ZNF362: variants seen among roughly 807,000 people sequenced by gnomAD.
ZNF362 encodes zinc finger protein 362.
ZNF362 carries 11 observed loss-of-function variants against 42.9 expected under a neutral mutation model. The ratio of observed to expected loss-of-function variants is 0.26; its 90% CI spans 0.16 to 0.42. The LOEUF is 0.42. Among genes scored for constraint, ZNF362 ranks in the 20% least tolerant of loss-of-function variants. The probability of loss-of-function intolerance (pLI) is 1.00; values close to 1 mark genes in which losing one functional copy is unlikely to be tolerated. For synonymous variants in ZNF362, 255 were observed against 257.3 expected (o/e 0.99, Z 0.09); for missense variants, 362 against 576.2 (o/e 0.63, Z 3.81).
chr1:33,217,668 T>C, the ZNF362 span, among the ~76,000 whole-genome samples: 1 of 152,180 alleles, frequency 6.6e-6, no homozygotes, highest in Non-Finnish European at 1.5e-5. Flanking sequence ...AAAAGAAATT[T>C]AAACCATAAG....
chr1:33,146,984 A>C, the ZNF362 span: 1 of 617,654 alleles, frequency 1.6e-6, no homozygotes, highest in Non-Finnish European at 2.8e-6. Flanking sequence ...GAGCTACAGA[A>C]CATCGATGCT....
At chr1:33,286,372 T>C (rs908426235) in intron 6 of ZNF362, among the ~76,000 whole-genome samples, 3 of 152,088 alleles carry the variant, frequency 2.0e-5, no homozygotes, top group African/African-American at 7.2e-5. Context: ...TTTAAAAATA[T>C]TATTTGAGAA....
intron 6 of ZNF362, among the ~76,000 whole-genome samples, chr1:33,282,642 C>T (rs1050403839): frequency 4.0e-5 from 6 of 151,886 alleles, no homozygotes; most frequent in Admixed American, 2.6e-4. Context: ...GCCAACGTGG[C>T]GAAACCCCAT....
chr1:33,137,396 T>G, the ZNF362 span, among the ~76,000 whole-genome samples: 1 of 152,218 alleles, frequency 6.6e-6, no homozygotes, highest in Non-Finnish European at 1.5e-5. Context: ...CCCATAATAA[T>G]TATTATGTTA....
At chr1:33,176,439 GTC>G in the ZNF362 span, 1 of 697,832 alleles carries the variant, frequency 1.4e-6, no homozygotes, top group Non-Finnish European at 2.6e-6. Flanking sequence ...ATCCACTGCT[GTC>G]TTCTCTGGCA....
the ZNF362 span, among the ~76,000 whole-genome samples, chr1:33,187,523 T>C: frequency 6.6e-6 from 1 of 152,190 alleles, no homozygotes; most frequent in South Asian, 2.1e-4. Flanking sequence ...CAGACCCCAC[T>C]GCTGTAGTTG....
chr1:33,144,586 A>G, the ZNF362 span, among the ~76,000 whole-genome samples: 1 of 152,236 alleles, frequency 6.6e-6, no homozygotes, highest in African/African-American at 2.4e-5. Context: ...AGGCCTGTCT[A>G]TAGTACTCAG....
the ZNF362 span, among the ~76,000 whole-genome samples, chr1:33,171,435 T>C: frequency 1.3e-5 from 2 of 152,106 alleles, no homozygotes; most frequent in African/African-American, 4.8e-5. Context: ...CTTGCCTAAG[T>C]TCACACAGCT....
the ZNF362 span, among the ~76,000 whole-genome samples, chr1:33,129,116 A>T: frequency 1.3e-5 from 2 of 152,188 alleles, no homozygotes; most frequent in African/African-American, 2.4e-5. This position sits in a 1 kb window ranked among gnomAD's most constrained non-coding sequence, Gnocchi z 4.1. Flanking sequence ...GATGATTCAG[A>T]GCCCTTTCTG....
At chr1:33,158,460 T>C in the ZNF362 span, 1 of 959,290 alleles carries the variant, frequency 1.0e-6, no homozygotes, top group Non-Finnish European at 1.7e-6. Flanking sequence ...GCAGCTGGCA[T>C]AGGATGTGGT....
Position 33,280,145 on chromosome 1 carries a change from C to A in ZNF362, c.371C>A (p.Thr124Asn). Residue 124 changes from threonine to asparagine, a missense_variant, in exon 5 of 9, where the codon ACC (threonine) becomes AAC (asparagine). Thr to Asn is a moderately conservative substitution (Grantham distance 65). Around this residue, in one of 3 missense-constraint regions of ZNF362, gnomAD observed 266 missense variants for 365.4 expected, o/e 0.73. Transcript: ENST00000539719. This position sits in a 1 kb window ranked among gnomAD's most constrained non-coding sequence, Gnocchi z 5.6. ...TVTGLGLSTR[T>N]PSVSTSESSA... is the part of the protein sequence containing the mutation. ...GCAGGTCTGGGGCTGTCCACCCGGA[C>A]CCCGTCTGTGAGCACTTCTGAGTCA... 6.3e-7 allele frequency: 1 copy of A among 1,588,292 alleles called. No homozygotes were observed. The highest frequency in any genetic ancestry group is 1.3e-5 in the African/African-American group (1 of 74,706).
intron 6 of ZNF362, among the ~76,000 whole-genome samples, chr1:33,282,808 G>A (rs959430723): frequency 1.4e-5 from 2 of 142,462 alleles, no homozygotes; most frequent in East Asian, 2.1e-4. Flanking sequence ...GATGACAAGA[G>A]TGAAACTCTG....
the ZNF362 span, chr1:33,181,494 G>C: frequency 1.3e-6 from 2 of 1,505,356 alleles, no homozygotes. This position sits in a 1 kb window ranked among gnomAD's most constrained non-coding sequence, Gnocchi z 6.5. Context: ...AGAGCGCGGC[G>C]CTGTCGGAGG....
At chr1:33,229,404 C>T in the ZNF362 span, among the ~76,000 whole-genome samples, 1 of 141,304 alleles carries the variant, frequency 7.1e-6, no homozygotes, top group African/African-American at 2.6e-5. Flanking sequence ...TTCTATTCTG[C>T]CTTTTTTTTT....
the ZNF362 span, chr1:33,163,335 G>A: frequency 6.6e-6 from 1 of 151,616 alleles, no homozygotes; most frequent in Non-Finnish European, 1.5e-5. Flanking sequence ...CACTGTGCCT[G>A]GCCGATTTTT....
At chr1:33,237,130 A>AT in the ZNF362 span, among the ~76,000 whole-genome samples, 1 of 152,072 alleles carries the variant, frequency 6.6e-6, no homozygotes, top group African/African-American at 2.4e-5. Context: ...ATATACAATT[A>AT]TTTTTTCAAT....
intron 2 of ZNF362, chr1:33,275,179 A>T (rs1317956511): frequency 1.0e-6 from 1 of 985,344 alleles, no homozygotes; most frequent in Non-Finnish European, 1.2e-6. Flanking sequence ...TCTGTGAGGC[A>T]TGGTCCCTGT....
the ZNF362 span, among the ~76,000 whole-genome samples, chr1:33,211,370 G>A: frequency 6.6e-6 from 1 of 152,124 alleles, no homozygotes; most frequent in Non-Finnish European, 1.5e-5. Context: ...TGCAGTGGCT[G>A]GTACCGTTTG....
chr1:33,144,327 G>A, the ZNF362 span, among the ~76,000 whole-genome samples: 2 of 152,104 alleles, frequency 1.3e-5, no homozygotes, highest in Non-Finnish European at 1.5e-5. Flanking sequence ...TAGTAGAGAC[G>A]GGGTTTCTCC....
Sources: gnomAD v4.1 joint callset for allele counts (sites outside exome capture counted in the v4.1 genomes callset) on GRCh38, gnomAD v4.1.1 for gene constraint, gnomAD v4.1.1 regional missense constraint, Gnocchi (gnomAD v3.1) non-coding constraint, MANE v1.5 for transcripts, NCBI Gene and HGNC (gene_info 2026-07-23, HGNC 2026-07-21) for gene names.